The following SGCZ variants were observed in gnomAD, a reference collection of about 807,000 sequenced individuals.
The protein encoded by SGCZ is zeta-sarcoglycan.
A neutral mutation model predicts 41.3 loss-of-function variants in SGCZ; 40 were observed. The ratio of observed to expected loss-of-function variants is 0.97; its 90% CI spans 0.75 to 1.26. The LOEUF (loss-of-function observed/expected upper bound fraction) is 1.26, where lower values mean the gene tolerates loss of function less well. Among genes scored for constraint, SGCZ ranks in the 50% most tolerant of loss-of-function variants. The pLI is 0.00. For synonymous variants in SGCZ, 206 were observed against 137.5 expected, an observed-to-expected ratio of 1.50 and a Z score of -3.49; for missense variants, 552 against 369.8, an observed-to-expected ratio of 1.49 and a Z score of -4.04.
chr8:14,765,257 T>C (rs943280367), intron 1 of SGCZ, among the ~76,000 whole-genome samples: 1 of 152,190 alleles, frequency 6.6e-6, no homozygotes, highest in Non-Finnish European at 1.5e-5. Flanking sequence ...TAAAAGAAGC[T>C]GAAATATATT....
chr8:15,220,592 G>T (rs567043595), intron 1 of SGCZ, among the ~76,000 whole-genome samples: 23 of 152,204 alleles, frequency 1.5e-4, no homozygotes, highest in African/African-American at 5.3e-4. Context: ...AACCATTGTG[G>T]AAGACAGTGT....
intron 1 of SGCZ, among the ~76,000 whole-genome samples, chr8:14,649,094 C>T (rs1242348152): frequency 6.6e-6 from 1 of 152,098 alleles, no homozygotes; most frequent in Non-Finnish European, 1.5e-5. Flanking sequence ...TTTTCAAAAG[C>T]GTCTTCTCTA....
At chr8:14,945,566 G>T (rs1346455168) in intron 1 of SGCZ, among the ~76,000 whole-genome samples, 1 of 152,024 alleles carries the variant, frequency 6.6e-6, no homozygotes, top group Admixed American at 6.6e-5. Context: ...TTAAGGAATG[G>T]CTAGAAAGCT....
intron 1 of SGCZ, among the ~76,000 whole-genome samples, chr8:14,921,508 AT>A (rs1289370134): frequency 6.6e-6 from 1 of 151,776 alleles, no homozygotes; most frequent in African/African-American, 2.4e-5. Context: ...ATGTCATCTA[AT>A]TTTATTATCT....
chr8:15,104,717 C>T (rs1268485422), intron 1 of SGCZ, among the ~76,000 whole-genome samples: 1 of 151,992 alleles, frequency 6.6e-6, no homozygotes, highest in Admixed American at 6.6e-5. Context: ...GCACATATAG[C>T]TTCCCAATAA....
At chr8:14,656,273 G>A (rs1017375733) in intron 1 of SGCZ, among the ~76,000 whole-genome samples, 1 of 151,972 alleles carries the variant, frequency 6.6e-6, no homozygotes. Context: ...GATTGTTTTA[G>A]CCATTCTGAT....
At chr8:14,687,674 T>G (rs1247449366) in intron 1 of SGCZ, among the ~76,000 whole-genome samples, 1 of 151,670 alleles carries the variant, frequency 6.6e-6, no homozygotes, top group Admixed American at 6.6e-5. Flanking sequence ...TGTGTCTTTA[T>G]AGCAGCATGA....
At chr8:15,096,370 G>T (rs565368222) in intron 1 of SGCZ, among the ~76,000 whole-genome samples, 1 of 152,174 alleles carries the variant, frequency 6.6e-6, no homozygotes, top group South Asian at 2.1e-4. Context: ...TGATAGGAAT[G>T]ATCCACTGCT....
At chr8:14,373,124 C>G (rs1047745686) in intron 2 of SGCZ, among the ~76,000 whole-genome samples, 9 of 152,100 alleles carry the variant, frequency 5.9e-5, no homozygotes, top group African/African-American at 2.2e-4. Flanking sequence ...ATGGTAGCAA[C>G]TGATTTAATA....
intron 1 of SGCZ, among the ~76,000 whole-genome samples, chr8:14,630,986 G>A (rs1023753070): frequency 5.3e-5 from 8 of 152,036 alleles, no homozygotes; most frequent in Admixed American, 1.3e-4. Context: ...AAACCTGCAC[G>A]TTGTGCACAT....
At chr8:14,677,151 AACTTATATGCC>A (rs1020647906) in intron 1 of SGCZ, among the ~76,000 whole-genome samples, 17 of 151,746 alleles carry the variant, frequency 1.1e-4, no homozygotes, top group African/African-American at 3.6e-4. Context: ...AAAAGTCAAA[AACTTATATGCC>A]AGCAATGAGA....
intron 5 of SGCZ, among the ~76,000 whole-genome samples, chr8:14,145,407 T>C (rs769830834): frequency 6.6e-6 from 1 of 152,132 alleles, no homozygotes; most frequent in Non-Finnish European, 1.5e-5. Context: ...CTATAGCAGA[T>C]ACAGGTTAGA....
At chr8:14,853,993 T>C (rs919126546) in intron 1 of SGCZ, among the ~76,000 whole-genome samples, 2 of 145,622 alleles carry the variant, frequency 1.4e-5, no homozygotes, top group African/African-American at 5.0e-5. Context: ...ATTCATTTTG[T>C]AACGACATCA....
chr8:14,640,301 G>A (rs1463662320), intron 1 of SGCZ, among the ~76,000 whole-genome samples: 1 of 151,614 alleles, frequency 6.6e-6, no homozygotes, highest in Non-Finnish European at 1.5e-5. Flanking sequence ...TTCTTACAAA[G>A]TTTGGGTACA....
rs1800562802 is a variant in SGCZ at position 14,450,569 on chromosome 8, T to G, written c.234+104163A>C. Reference sequence around the variant, plus strand: ...TATAATTTTAGTTAAATGTATCATCTGGAAATCACAACCTCCAGTGATCAC... The same window carrying G: ...TATAATTTTAGTTAAATGTATCATCGGGAAATCACAACCTCCAGTGATCAC... On this transcript the variant is annotated intron_variant, in intron 2 of 7. Coordinates refer to ENST00000382080, the MANE Select transcript of SGCZ (RefSeq NM_139167.4). Among the ~76,000 whole-genome samples the G allele has an allele frequency of 2.0e-5, 3 of 152,196 alleles. No homozygotes were observed. In the South Asian group the frequency reaches 6.2e-4, roughly 31 times the overall value.
chr8:14,484,948 A>G (rs1801633412), intron 2 of SGCZ, among the ~76,000 whole-genome samples: 2 of 152,220 alleles, frequency 1.3e-5, no homozygotes, highest in Admixed American at 1.3e-4. Context: ...AGTAATAGCA[A>G]CAGTTTGACA....
At chr8:15,065,139 CCAA>C (rs1340473189) in intron 1 of SGCZ, among the ~76,000 whole-genome samples, 1 of 152,096 alleles carries the variant, frequency 6.6e-6, no homozygotes. Flanking sequence ...CATGTATCCT[CCAA>C]CAAGACGGAA....
At chr8:14,796,826 CG>C (rs996340225) in intron 1 of SGCZ, among the ~76,000 whole-genome samples, 10 of 152,222 alleles carry the variant, frequency 6.6e-5, no homozygotes, top group African/African-American at 1.7e-4. Context: ...GCGTTGGTTT[CG>C]CCCATGCTAC....
At chr8:14,588,166 A>C (rs1805121645) in intron 1 of SGCZ, among the ~76,000 whole-genome samples, 1 of 148,850 alleles carries the variant, frequency 6.7e-6, no homozygotes, top group African/African-American at 2.5e-5. Flanking sequence ...GAATATGATA[A>C]AATTTTTCAG....
Sources: allele counts gnomAD v4.1 joint callset (sites outside exome capture counted in the v4.1 genomes callset), GRCh38; gene constraint gnomAD v4.1.1; transcripts MANE v1.5; gene names NCBI Gene and HGNC (gene_info 2026-07-23, HGNC 2026-07-21).